Variants in COX10 observed in about 807,000 individuals in gnomAD.
The protein encoded by COX10 is cytochrome c oxidase assembly factor heme A:farnesyltransferase COX10.
COX10 carries 27 observed loss-of-function variants against 37.3 expected under a neutral mutation model. The observed-to-expected ratio is 0.72, with a 90% CI of 0.53 to 1.00. COX10 has a LOEUF of 1.00. Among genes scored for constraint, COX10 ranks in the 50% least tolerant of loss-of-function variants. The pLI is 0.00. For synonymous variants in COX10, 222 were observed against 229.1 expected (o/e 0.97, Z 0.28); for missense variants, 475 against 563.2 (o/e 0.84, Z 1.59).
At chr17:14,180,789 C>T (rs2530379) in intron 5 of COX10, among the ~76,000 whole-genome samples, 1 of 152,104 alleles carries the variant, frequency 6.6e-6, no homozygotes, top group African/African-American at 2.4e-5. Context: ...CTCTCTTTTC[C>T]CATAAGACGA....
chr17:14,142,348 G>T (rs187064657), intron 4 of COX10, among the ~76,000 whole-genome samples: 69 of 152,286 alleles, frequency 4.5e-4, no homozygotes, highest in African/African-American at 1.6e-3. Context: ...TGTGACACAG[G>T]CAGACAGCCG....
intron 3 of COX10, among the ~76,000 whole-genome samples, chr17:14,087,461 A>G (rs952138557): frequency 1.3e-5 from 2 of 152,150 alleles, no homozygotes; most frequent in African/African-American, 4.8e-5. Context: ...TGTCTTCTAT[A>G]CCTACAGCAG....
intron 5 of COX10, among the ~76,000 whole-genome samples, chr17:14,162,350 C>T (rs943723958): frequency 8.5e-5 from 13 of 152,198 alleles, no homozygotes; most frequent in African/African-American, 3.1e-4. Flanking sequence ...TCTACCCCTT[C>T]ACACATAACG....
At chr17:14,149,654 G>A (rs1904832037) in intron 4 of COX10, among the ~76,000 whole-genome samples, 1 of 152,130 alleles carries the variant, frequency 6.6e-6, no homozygotes, top group South Asian at 2.1e-4. Flanking sequence ...AGGGACTGCT[G>A]TTGTCATTTT....
At chr17:14,081,345 AAGAG>A (rs1915290904) in intron 3 of COX10, among the ~76,000 whole-genome samples, 2 of 152,116 alleles carry the variant, frequency 1.3e-5, no homozygotes, top group African/African-American at 4.8e-5. Flanking sequence ...GAGAGAGAGA[AAGAG>A]AGATAGATAG....
rs543478228 is a variant in COX10, at chr17:14,148,938, TTATA to T, written c.625-10934_625-10931del. Among the ~76,000 whole-genome samples the T allele has an allele frequency of 7.1e-3, 1,057 of 148,236 alleles. 1 individual carries two copies. Among genetic ancestry groups the T allele is most frequent in the Non-Finnish European group, 0.012 (794 of 67,234 alleles). On this transcript the variant is annotated intron_variant, in intron 4 of 6. Coordinates refer to ENST00000261643, the MANE Select transcript of COX10 (RefSeq NM_001303.4). Reference sequence around the variant, plus strand: ...TATATTTTAATATATTACTAGGTAATTATATATACTATATTAAAATATAACGTTA... The same window carrying T: ...TATATTTTAATATATTACTAGGTAATTATACTATATTAAAATATAACGTTA...
intron 6 of COX10, among the ~76,000 whole-genome samples, chr17:14,200,037 C>T (rs1445506428): frequency 6.6e-6 from 1 of 152,054 alleles, no homozygotes; most frequent in Non-Finnish European, 1.5e-5. Flanking sequence ...TTCACTGGAG[C>T]TAGGGTTCTT....
chr17:14,118,233 T>C (rs1288104485), intron 4 of COX10, among the ~76,000 whole-genome samples: 3 of 151,954 alleles, frequency 2.0e-5, no homozygotes, highest in Non-Finnish European at 2.9e-5. Flanking sequence ...CTCATTTAGG[T>C]CCATGGACAC....
At chr17:14,169,422 C>T (rs1905390011) in intron 5 of COX10, among the ~76,000 whole-genome samples, 1 of 152,156 alleles carries the variant, frequency 6.6e-6, no homozygotes, top group Non-Finnish European at 1.5e-5. Context: ...AAGCCCTGCC[C>T]ATTACCCAGC....
At chr17:14,148,666 C>G (rs1904801305) in intron 4 of COX10, among the ~76,000 whole-genome samples, 1 of 152,098 alleles carries the variant, frequency 6.6e-6, no homozygotes, top group Non-Finnish European at 1.5e-5. Context: ...TCAGTATTTT[C>G]TGAGCCTAAC....
chr17:14,088,862 C>T (rs540852075), intron 3 of COX10, among the ~76,000 whole-genome samples: 12 of 152,130 alleles, frequency 7.9e-5, no homozygotes, highest in East Asian at 3.9e-4. Context: ...ACTTCCATAC[C>T]GTCATCATCA....
In COX10 at chr17:14,208,320, G is replaced by A. The variant is rs1300368496; in HGVS notation, c.*1107G>A. 6.6e-6 allele frequency: 1 copy of A among 152,218 alleles called. No individual in the cohort carries two copies. Among genetic ancestry groups the A allele is most frequent in the East Asian group, 1.9e-4 (1 of 5,200 alleles). The allele number at this position is 152,218 out of a possible 1,614,324, so 9.4% of individuals were successfully genotyped here. Reference sequence around the variant, plus strand: ...TACCTGCAGCTTTTTAGTCCTTTGTGCTCCCACGGGTCTGCAGAGTCCCAT... The same window carrying A: ...TACCTGCAGCTTTTTAGTCCTTTGTACTCCCACGGGTCTGCAGAGTCCCAT... On this transcript the variant is annotated 3_prime_UTR_variant, in exon 7 of 7. Transcript: ENST00000261643.
chr17:14,152,410 G>T (rs959564532), intron 4 of COX10, among the ~76,000 whole-genome samples: 1 of 152,188 alleles, frequency 6.6e-6, no homozygotes. Flanking sequence ...TACAAGAACA[G>T]TATGGGGGAA....
intron 4 of COX10, among the ~76,000 whole-genome samples, chr17:14,131,121 G>A (rs1321236556): frequency 6.6e-6 from 1 of 152,126 alleles, no homozygotes; most frequent in Non-Finnish European, 1.5e-5. Flanking sequence ...TTAAATGAAT[G>A]ACCAGCTCAT....
chr17:14,084,319 A>G (rs6502335), intron 3 of COX10, among the ~76,000 whole-genome samples: 151,278 of 152,158 alleles, frequency 0.99, 75,207 homozygotes, highest in Middle Eastern at 1. Flanking sequence ...TGACTAGTAA[A>G]TATTTATTTT....
chr17:14,102,045 T>G (rs1289013939), intron 3 of COX10, 73 bp from the exon 4 acceptor site: 8 of 1,593,762 alleles, frequency 5.0e-6, no homozygotes, highest in African/African-American at 1.3e-5. Context: ...GATGGCTTGT[T>G]TTTTGTCGTT....
chr17:14,179,929 G>GT (rs1157220707), intron 5 of COX10, among the ~76,000 whole-genome samples: 1 of 151,998 alleles, frequency 6.6e-6, no homozygotes, highest in African/African-American at 2.4e-5. Context: ...TCAATACCTG[G>GT]TTTTGAAATG....
At chr17:14,155,235 C>CA (rs913762806) in intron 4 of COX10, among the ~76,000 whole-genome samples, 1 of 146,146 alleles carries the variant, frequency 6.8e-6, no homozygotes, top group East Asian at 2.0e-4. Flanking sequence ...GTATGTTTAA[C>CA]AAAAAAAGAA....
At chr17:14,153,043 T>C (rs1244520699) in intron 4 of COX10, among the ~76,000 whole-genome samples, 1 of 152,192 alleles carries the variant, frequency 6.6e-6, no homozygotes, top group Non-Finnish European at 1.5e-5. Context: ...TCACGTAAGC[T>C]TCTTTTGGCC....
Sources: allele counts gnomAD v4.1 joint callset (sites outside exome capture counted in the v4.1 genomes callset), GRCh38; gene constraint gnomAD v4.1.1; transcripts MANE v1.5; gene names NCBI Gene and HGNC (gene_info 2026-07-23, HGNC 2026-07-21).